Variants in TMPRSS6 observed in about 807,000 individuals in gnomAD.
TMPRSS6 encodes the protein transmembrane protease serine 6.
TMPRSS6 carries 67 observed loss-of-function variants against 101.5 expected under a neutral mutation model. The ratio of observed to expected loss-of-function variants is 0.66; its 90% CI spans 0.54 to 0.81. The LOEUF is 0.81. Among genes scored for constraint, TMPRSS6 ranks in the 30% least tolerant of loss-of-function variants. The probability of loss-of-function intolerance (pLI) is 0.00; values close to 1 mark genes in which losing one functional copy is unlikely to be tolerated. For synonymous variants in TMPRSS6, 453 were observed against 464.9 expected, an observed-to-expected ratio of 0.97 and a Z score of 0.33; for missense variants, 1,034 against 1,088.7, an observed-to-expected ratio of 0.95 and a Z score of 0.71.
At chr22:37,068,500 G>A (rs1447013684) in intron 16 of TMPRSS6, 4 of 711,180 alleles carry the variant, frequency 5.6e-6, no homozygotes, top group South Asian at 1.5e-5. Context: ...GTCAGTGAAC[G>A]TAGAAAGGGG....
intron 11 of TMPRSS6, 128 bp downstream of exon 11, chr22:37,075,007 A>ACACACACAC: frequency 6.6e-7 from 1 of 1,505,228 alleles, no homozygotes; most frequent in Non-Finnish European, 9.2e-7. Context: ...ACATACACAC[A>ACACACACAC]CACACACACT....
chr22:37,070,833 C>G, intron 14 of TMPRSS6, 83 bp downstream of exon 14: 1 of 1,438,764 alleles, frequency 7.0e-7, no homozygotes, highest in East Asian at 2.3e-5. Context: ...CAGGGGACAA[C>G]AGTGAGATTT....
At position 37,069,087 on chromosome 22, in the gene TMPRSS6, G is replaced by T; in HGVS notation, c.2099C>A (p.Ala700Asp). Residue 700 changes from alanine to aspartate, a missense_variant, in exon 16 of 18, where the codon GCC becomes GAC. Coordinates refer to ENST00000676104, the MANE Select transcript of TMPRSS6 (RefSeq NM_001374504.1). This position sits in a 1 kb window ranked among gnomAD's most constrained non-coding sequence, Gnocchi z 4.8. ...GLHCWITGWG[A>D]LREGGPISNA... ...CCGCTGCTCACCGCCCTCGCGCAAG[G>T]CGCCCCAGCCCGTAATCCAGCAGTG... 1 of 1,545,046 alleles carries T rather than the reference G, an allele frequency of 6.5e-7. No homozygotes were observed.
At chr22:37,097,225 C>T (rs562018871) in intron 3 of TMPRSS6, among the ~76,000 whole-genome samples, 1 of 152,360 alleles carries the variant, frequency 6.6e-6, no homozygotes, top group South Asian at 2.1e-4. Flanking sequence ...TCACCCCTAC[C>T]TCATGGAGGA....
Position 37,103,807 on chromosome 22 carries a change from A to G in TMPRSS6, c.-1-389T>C, listed in dbSNP as rs1930540632. On this transcript the variant is annotated intron_variant, in intron 1 of 17. Transcript: ENST00000676104. This position sits in a 1 kb window ranked among gnomAD's most constrained non-coding sequence, Gnocchi z 4.4. ...TGTAGACATCTGACCTCTTGCCCTC[A>G]TTTCCCGTCCACGCAAGGAATGCTG... 6.6e-6 allele frequency among the ~76,000 whole-genome samples: 1 copy of G among 152,098 alleles called. No individual in the cohort carries two copies. The highest frequency in any genetic ancestry group is 2.4e-5 in the African/African-American group (1 of 41,390).
intron 7 of TMPRSS6, 124 bp from the exon 8 acceptor site, chr22:37,086,543 C>G: frequency 9.7e-7 from 1 of 1,036,088 alleles, no homozygotes; most frequent in Non-Finnish European, 1.4e-6. Flanking sequence ...GGGTCCGGGT[C>G]TCCTACCAGA....
intron 1 of TMPRSS6, among the ~76,000 whole-genome samples, chr22:37,104,109 T>C (rs988963894): frequency 6.6e-6 from 1 of 152,168 alleles, no homozygotes; most frequent in Non-Finnish European, 1.5e-5. Flanking sequence ...GTTTTCTTCC[T>C]CCAGCCCACA....
In TMPRSS6 at chr22:37,098,481, A is replaced by T; in HGVS notation, c.271T>A (p.Ser91Thr). 6.2e-7 allele frequency: 1 copy of T among 1,613,680 alleles called. No homozygotes were observed. Among genetic ancestry groups the T allele is most frequent in the Non-Finnish European group, 8.5e-7 (1 of 1,179,966 alleles). ...GSLRVLNRHF[S>T]QDLTRRESSA... is the part of the protein sequence containing the mutation. ...GATTCCCGGCGGGTAAGATCCTGGG[A>T]GAAGTGGCGATTGAGTACACGCAGA... The change falls in exon 3 of 18, where the codon TCC becomes ACC. Residue 91 changes from serine to threonine, a missense_variant. Coordinates refer to ENST00000676104, the MANE Select transcript of TMPRSS6 (RefSeq NM_001374504.1).
At position 37,065,816 on chromosome 22, in the gene TMPRSS6, C is replaced by T. The variant is rs539246523; in HGVS notation, c.*264G>A. 2.2e-5 allele frequency: 12 copies of T among 543,528 alleles called. No individual in the cohort carries two copies. The highest frequency in any genetic ancestry group is 1.9e-4 in the Admixed American group (6 of 32,202). The allele number at this position is 543,528 out of a possible 1,614,324, so 33.7% of individuals were successfully genotyped here. A position where few individuals can be genotyped will look rare whatever the true frequency, so the allele number is the denominator to read the frequency against. ...ATTAGGCAGCAGTGGAGGAAGGGGA[C>T]GGAGGAGAGAGAATTGGGAGGCAGA... On this transcript the variant is annotated 3_prime_UTR_variant, in exon 18 of 18. Transcript: ENST00000676104.
rs1929972292 is a variant in TMPRSS6, at chr22:37,098,047, T to G, written c.336+369A>C. Among the ~76,000 whole-genome samples, 3 of 133,736 alleles carry G rather than the reference T, an allele frequency of 2.2e-5. No homozygotes were observed. The Admixed American group carries it at 2.3e-4, about 10-fold the overall frequency. The allele number at this position is 133,736 out of a possible 152,430, so 87.7% of individuals were successfully genotyped here. A position where few individuals can be genotyped will look rare whatever the true frequency, so the allele number is the denominator to read the frequency against. ...AACGGAGGGGCAGGAGCGGCCACCG[T>G]CCTGTAACGGAGGGGGAGGAGCGGG... is the stretch of plus-strand genomic sequence containing the variant. On this transcript the variant is annotated intron_variant, in intron 3 of 17. Coordinates refer to ENST00000676104, the MANE Select transcript of TMPRSS6 (RefSeq NM_001374504.1).
At chr22:37,071,499 C>A (rs913778567) in intron 13 of TMPRSS6, among the ~76,000 whole-genome samples, 11 of 152,230 alleles carry the variant, frequency 7.2e-5, no homozygotes, top group Non-Finnish European at 1.3e-4. Flanking sequence ...TAGCTCTCAC[C>A]AAGGGCCAAA....
intron 6 of TMPRSS6, among the ~76,000 whole-genome samples, chr22:37,094,012 G>A (rs1929511986): frequency 6.7e-6 from 1 of 150,148 alleles, no homozygotes; most frequent in African/African-American, 2.5e-5. Context: ...GACAGAGTGA[G>A]ACTCTGTTAT....
chr22:37,071,421 C>A (rs1394594430), intron 13 of TMPRSS6, among the ~76,000 whole-genome samples: 2 of 152,250 alleles, frequency 1.3e-5, no homozygotes, highest in Non-Finnish European at 2.9e-5. Flanking sequence ...CTGCTCTTCA[C>A]TGTAAAGAAC....
At chr22:37,084,513 A>C (rs1325267527) in intron 9 of TMPRSS6, 109 bp from the exon 10 acceptor site, 1 of 917,886 alleles carries the variant, frequency 1.1e-6, no homozygotes, top group Non-Finnish European at 1.8e-6. Flanking sequence ...GGTGGGGCTA[A>C]AGTCTGTCAG....
chr22:37,104,953 TC>T (rs1430290142), intron 1 of TMPRSS6, among the ~76,000 whole-genome samples: 1 of 145,624 alleles, frequency 6.9e-6, no homozygotes, highest in African/African-American at 2.6e-5. Flanking sequence ...AGAGCAAGAC[TC>T]TGCTTGAGAA....
intron 6 of TMPRSS6, among the ~76,000 whole-genome samples, chr22:37,092,208 C>T (rs1054737916): frequency 1.3e-5 from 2 of 152,008 alleles, no homozygotes; most frequent in African/African-American, 4.8e-5. Context: ...ACTGAACACG[C>T]CTTGGGTGTT....
rs1930945376 is a variant in TMPRSS6 at position 37,109,588 on chromosome 22, CCAGCCAGCCCAGG to C, written c.-100_-88del. 1 of 152,378 alleles carries C rather than the reference CCAGCCAGCCCAGG, an allele frequency of 6.6e-6. No individual in the cohort carries two copies. Among genetic ancestry groups the C allele is most frequent in the Non-Finnish European group, 1.5e-5 (1 of 68,160 alleles). 9.4% of individuals were successfully genotyped at this position (152,378 alleles called of 1,614,324 possible). Reference sequence around the variant, plus strand: ...CAGGCCAAGGCCTCCCCACCCCCACCCAGCCAGCCCAGGCTGGATCAATGGCCTAGAGCCATGA... The same window carrying C: ...CAGGCCAAGGCCTCCCCACCCCCACCCTGGATCAATGGCCTAGAGCCATGA... On this transcript the variant is annotated 5_prime_UTR_variant, in exon 1 of 18. Coordinates refer to ENST00000676104, the MANE Select transcript of TMPRSS6 (RefSeq NM_001374504.1).
rs982257596 is a variant in TMPRSS6, at chr22:37,103,537, C to T, written c.-1-119G>A. On this transcript the variant is annotated intron_variant, in intron 1 of 17. Transcript: ENST00000676104. This position sits in a 1 kb window ranked among gnomAD's most constrained non-coding sequence, Gnocchi z 4.4. The stretch of plus-strand genomic sequence containing the variant: ...GCCTTTTGGAGTGGAAGAGTAACAA[C>T]ATCAGGCGGCAGTGACTGCAAGTGG... 4.3e-6 allele frequency: 7 copies of T among 1,613,952 alleles called. No homozygotes were observed. The highest frequency in any genetic ancestry group is 2.7e-5 in the African/African-American group (2 of 74,926).
chr22:37,096,864 C>T, intron 3 of TMPRSS6, 149 bp from the exon 4 acceptor site: 1 of 796,454 alleles, frequency 1.3e-6, no homozygotes. Context: ...TCACACAGTG[C>T]TGAGTGGCCG....
Sources: allele counts gnomAD v4.1 joint callset (sites outside exome capture counted in the v4.1 genomes callset), GRCh38; gene constraint gnomAD v4.1.1; non-coding constraint Gnocchi (gnomAD v3.1); transcripts MANE v1.5; gene names NCBI Gene and HGNC (gene_info 2026-07-23, HGNC 2026-07-21).